ZNF431: variants seen among roughly 807,000 people sequenced by gnomAD.
ZNF431 encodes zinc finger protein 431.
Under a neutral mutation model 57.0 loss-of-function variants are expected in ZNF431, and 34 were observed. That is an observed-to-expected ratio of 0.60 (90% confidence interval 0.45 to 0.79). The LOEUF is 0.79. Ranked by LOEUF, ZNF431 falls within the 30% of genes least tolerant of loss-of-function variation. The probability of loss-of-function intolerance (pLI) is 0.00; values close to 1 mark genes in which losing one functional copy is unlikely to be tolerated. For missense variants in ZNF431, 607 were observed against 667.1 expected (o/e 0.91, Z 0.99); for synonymous variants, 207 against 220.3 (o/e 0.94, Z 0.54).
Position 21,195,180 on chromosome 19 carries a change from G to C in ZNF431, c.*11146G>C, listed in dbSNP as rs1020968466. 93 of 152,322 alleles carry C rather than the reference G, an allele frequency of 6.1e-4. No individual in the cohort carries two copies. The highest frequency in any genetic ancestry group is 2.1e-3 in the African/African-American group (89 of 41,576). The allele number at this position is 152,322 out of a possible 1,614,324, so 9.4% of individuals were successfully genotyped here. A position where few individuals can be genotyped will look rare whatever the true frequency, so the allele number is the denominator to read the frequency against. On this transcript the variant is annotated 3_prime_UTR_variant, in exon 5 of 5. Coordinates refer to ENST00000311048, the MANE Select transcript of ZNF431 (RefSeq NM_133473.4). ...TCGCAGATGTCAAATGGCCAACACA[G>C]AATCTAACGACATGCTTAATACAAA...
intron 2 of ZNF431, chr19:21,149,769 A>G (rs1440326845): frequency 3.1e-6 from 2 of 638,046 alleles, no homozygotes; most frequent in African/African-American, 1.8e-5. Flanking sequence ...CTGTCATTGT[A>G]GTTGGTCCTG....
At chr19:21,174,254 A>G (rs1480326263) in intron 4 of ZNF431, among the ~76,000 whole-genome samples, 2 of 152,198 alleles carry the variant, frequency 1.3e-5, no homozygotes, top group African/African-American at 4.8e-5. Context: ...TATGCAAAAT[A>G]GTTAATACAG....
Position 21,183,580 on chromosome 19 carries a change from A to G in ZNF431, c.1277A>G (p.Lys426Arg). 1 of 1,613,580 alleles carries G rather than the reference A, an allele frequency of 6.2e-7. No individual in the cohort carries two copies. Among genetic ancestry groups the G allele is most frequent in the Admixed American group, 1.7e-5 (1 of 60,018 alleles). The change falls in exon 5 of 5, where the codon AAA becomes AGA. Residue 426 changes from lysine (K) to arginine (R), a missense_variant. Lys to Arg is a conservative substitution (Grantham distance 26). Coordinates refer to ENST00000311048, the MANE Select transcript of ZNF431 (RefSeq NM_133473.4). ...CATAAGATGATTCATACTGGAGAGA[A>G]ACCCTACAAATGTGAAGAATGTGGC... is the stretch of plus-strand genomic sequence containing the variant. ...TTHKMIHTGE[K>R]PYKCEECGKA...
intron 2 of ZNF431, among the ~76,000 whole-genome samples, chr19:21,155,750 A>T (rs1032789060): frequency 2.0e-5 from 3 of 152,118 alleles, no homozygotes; most frequent in African/African-American, 7.2e-5. Flanking sequence ...GTCAGAATTG[A>T]AATGTTAGAC....
rs1377802227 is a variant in ZNF431 at position 21,187,465 on chromosome 19, G to A, written c.*3431G>A. The A allele has an allele frequency of 2.7e-5, 4 of 150,616 alleles. 1 individual carries two copies. The highest frequency in any genetic ancestry group is 7.3e-5 in the African/African-American group (3 of 41,034). The allele number at this position is 150,616 out of a possible 1,614,324, so 9.3% of individuals were successfully genotyped here. A position where few individuals can be genotyped will look rare whatever the true frequency, so the allele number is the denominator to read the frequency against. On this transcript the variant is annotated 3_prime_UTR_variant, in exon 5 of 5. Coordinates refer to ENST00000311048, the MANE Select transcript of ZNF431 (RefSeq NM_133473.4). ...AAAAAAAAAAAAAAAAGAGCTGGGC[G>A]TGGTGGCTCACGCCTGTAATCCCAG...
chr19:21,173,059 C>T (rs1031935364), intron 4 of ZNF431, among the ~76,000 whole-genome samples: 2 of 152,068 alleles, frequency 1.3e-5, no homozygotes, highest in African/African-American at 4.8e-5. Flanking sequence ...ATAATATTTT[C>T]AAAGTTTATC....
chr19:21,162,664 C>G (rs1433029827), intron 2 of ZNF431: 1 of 968,146 alleles, frequency 1.0e-6, no homozygotes, highest in African/African-American at 1.8e-5. Context: ...TCTTGCATCA[C>G]AAAGCTGATT....
chr19:21,148,880 C>T (rs1471260686), intron 2 of ZNF431, among the ~76,000 whole-genome samples: 2 of 152,158 alleles, frequency 1.3e-5, no homozygotes, highest in Admixed American at 6.5e-5. Flanking sequence ...TGATGTGTCC[C>T]AGGCCTTACT....
At chr19:21,154,145 G>C (rs1970354494) in intron 2 of ZNF431, among the ~76,000 whole-genome samples, 1 of 152,032 alleles carries the variant, frequency 6.6e-6, no homozygotes, top group African/African-American at 2.4e-5. Context: ...TTAACATTAG[G>C]TATATCTCCT....
intron 4 of ZNF431, among the ~76,000 whole-genome samples, chr19:21,172,681 G>C (rs1970939347): frequency 6.6e-6 from 1 of 152,152 alleles, no homozygotes; most frequent in Non-Finnish European, 1.5e-5. Context: ...TGCACCTGTG[G>C]ACCCCGCTAT....
At position 21,189,847 on chromosome 19, in the gene ZNF431, TTTTG is replaced by T. The variant is rs991225998; in HGVS notation, c.*5817_*5820del. ...CATCCATGTGATTGAGAATAATAGT[TTTTG>T]TTTTTTTTTTAAGGCCAGGAGTGGT... On this transcript the variant is annotated 3_prime_UTR_variant, in exon 5 of 5. Coordinates refer to ENST00000311048, the MANE Select transcript of ZNF431 (RefSeq NM_133473.4). The T allele has an allele frequency of 7.5e-6, 3 of 397,864 alleles. No individual in the cohort carries two copies. The highest frequency in any genetic ancestry group is 6.2e-5 in the African/African-American group (3 of 48,566). 24.6% of individuals were successfully genotyped at this position (397,864 alleles called of 1,614,324 possible).
chr19:21,185,065 A>T lies in ZNF431; in HGVS notation c.*1031A>T, dbSNP rs576211359. Reference sequence around the variant, plus strand: ...CTACAGCTTAGAAATCAACAGTTATACTAGAATATATTTTTTCCAGATGCA... The same window carrying T: ...CTACAGCTTAGAAATCAACAGTTATTCTAGAATATATTTTTTCCAGATGCA... On this transcript the variant is annotated 3_prime_UTR_variant, in exon 5 of 5. Transcript: ENST00000311048. 6.6e-6 allele frequency: 1 copy of T among 152,326 alleles called. No individual in the cohort carries two copies. Among genetic ancestry groups the T allele is most frequent in the Non-Finnish European group, 1.5e-5 (1 of 68,020 alleles). 9.4% of individuals were successfully genotyped at this position (152,326 alleles called of 1,614,324 possible).
intron 2 of ZNF431, chr19:21,151,261 T>C (rs1970265236): frequency 6.6e-6 from 1 of 152,182 alleles, no homozygotes; most frequent in Admixed American, 6.5e-5. Flanking sequence ...TTCACCATGT[T>C]AACCAGAATG....
chr19:21,178,279 A>T (rs891408432), intron 4 of ZNF431, among the ~76,000 whole-genome samples: 30 of 151,946 alleles, frequency 2.0e-4, no homozygotes, highest in African/African-American at 5.6e-4. Flanking sequence ...AGACAGTTTG[A>T]CTTCCTATTT....
intron 2 of ZNF431, among the ~76,000 whole-genome samples, chr19:21,153,920 T>C (rs1410091072): frequency 6.6e-6 from 1 of 152,218 alleles, no homozygotes; most frequent in Admixed American, 6.5e-5. Flanking sequence ...TTCTTCATGT[T>C]GGTCAGGCTG....
At position 21,142,092 on chromosome 19, in the gene ZNF431, C is replaced by T. The variant is rs373033063; in HGVS notation, c.-92C>T. The T allele has an allele frequency of 3.2e-6, 5 of 1,555,222 alleles. No homozygotes were observed. In the African/African-American group the frequency reaches 6.8e-5, roughly 21 times the overall value. ...TCTCCCCTTCGCTGCTCTGTGTCCT[C>T]TGCTCCTAGAGGCCCAACATCTGTG... On this transcript the variant is annotated 5_prime_UTR_variant, in exon 1 of 5. Transcript: ENST00000311048.
At chr19:21,168,901 T>G (rs2145002074) in intron 4 of ZNF431, among the ~76,000 whole-genome samples, 1 of 152,204 alleles carries the variant, frequency 6.6e-6, no homozygotes, top group East Asian at 1.9e-4. Context: ...TTTATTAGTT[T>G]AGACAAATTT....
rs1324201956 is a variant in ZNF431, at chr19:21,151,832, T to A, written c.96+8189T>A. ...GACTAACCTCACAAATGCATTCCCA[T>A]ATTAATTAGAACTTTACATAGAAGA... On this transcript the variant is annotated intron_variant, in intron 2 of 4. Coordinates refer to ENST00000311048, the MANE Select transcript of ZNF431 (RefSeq NM_133473.4). 3.9e-5 allele frequency among the ~76,000 whole-genome samples: 6 copies of A among 152,276 alleles called. No individual in the cohort carries two copies. The East Asian group carries it at 5.8e-4, about 15-fold the overall frequency.
At position 21,183,722 on chromosome 19, in the gene ZNF431, A is replaced by T. The variant is rs141575176; in HGVS notation, c.1419A>T (p.Thr473=). 2 of 1,613,738 alleles carry T rather than the reference A, an allele frequency of 1.2e-6. No individual in the cohort carries two copies. The highest frequency in any genetic ancestry group is 2.7e-5 in the African/African-American group (2 of 74,936). The part of the protein sequence containing the change: ...KAFSQSSILT[T]HKRIHTGEKP... ...TTAGCCAGTCATCAATCCTTACTAC[A>T]CATAAGAGAATTCACACTGGAGAGA... Residue 473 remains threonine (T), a synonymous_variant, in exon 5 of 5, where the codon ACA becomes ACT. Transcript: ENST00000311048.
Sources: gnomAD v4.1 joint callset for allele counts (sites outside exome capture counted in the v4.1 genomes callset) on GRCh38, gnomAD v4.1.1 for gene constraint, MANE v1.5 for transcripts, NCBI Gene and HGNC (gene_info 2026-07-23, HGNC 2026-07-21) for gene names.